FARS2: variants seen among roughly 807,000 people sequenced by gnomAD.
The protein encoded by FARS2 is phenylalanine--tRNA ligase, mitochondrial.
FARS2 carries 40 observed loss-of-function variants against 46.4 expected under a neutral mutation model. That is an observed-to-expected ratio of 0.86 (90% CI 0.67 to 1.12). The LOEUF is 1.12. FARS2 is among the 50% of genes most tolerant of loss of function. The probability of loss-of-function intolerance (pLI) is 0.00; values close to 1 mark genes in which losing one functional copy is unlikely to be tolerated. For synonymous variants in FARS2, 234 were observed against 214.9 expected (o/e 1.09, Z -0.78); for missense variants, 513 against 567.9 (o/e 0.90, Z 0.98).
chr6:5,547,661 A>G (rs1482375856), intron 5 of FARS2, among the ~76,000 whole-genome samples: 3 of 152,210 alleles, frequency 2.0e-5, no homozygotes, highest in African/African-American at 7.2e-5. Context: ...AAGCAGAAAT[A>G]TTATGAAGGA....
chr6:5,564,886 C>T (rs1470706680), intron 5 of FARS2, among the ~76,000 whole-genome samples: 1 of 152,156 alleles, frequency 6.6e-6, no homozygotes, highest in East Asian at 1.9e-4. Flanking sequence ...TGTGCGGGGA[C>T]TGTGCAGACA....
At chr6:5,719,987 A>G (rs1300280477) in intron 6 of FARS2, among the ~76,000 whole-genome samples, 2 of 152,166 alleles carry the variant, frequency 1.3e-5, no homozygotes, top group African/African-American at 2.4e-5. Flanking sequence ...AGGACACTTG[A>G]GAGTCACTTG....
intron 6 of FARS2, among the ~76,000 whole-genome samples, chr6:5,689,969 CT>C (rs1757569339): frequency 6.6e-6 from 1 of 152,168 alleles, no homozygotes. Flanking sequence ...TTCTTTGTCT[CT>C]TTTGATCTTG....
At chr6:5,259,329 G>T, upstream of FARS2, among the ~76,000 whole-genome samples, 1 of 150,832 alleles carries the variant, frequency 6.6e-6, no homozygotes. Context: ...TAGGTGTTTG[G>T]TTAATTCTTG....
intron 6 of FARS2, among the ~76,000 whole-genome samples, chr6:5,717,908 C>CTATATATATATATATATATATA (rs58922507): frequency 3.9e-5 from 3 of 77,724 alleles, no homozygotes; most frequent in African/African-American, 1.2e-4. Flanking sequence ...AAGGTATCAG[C>CTATATATATATATATATATATA]TATATATATA....
chr6:5,277,583 C>T (rs1482530591), intron 1 of FARS2, among the ~76,000 whole-genome samples: 3 of 152,104 alleles, frequency 2.0e-5, no homozygotes, highest in South Asian at 2.1e-4. Context: ...TGTAAAGAGA[C>T]GATATATCGT....
intron 4 of FARS2, among the ~76,000 whole-genome samples, chr6:5,432,327 A>T (rs9328303): frequency 0.4 from 23,050 of 56,978 alleles, 3,580 homozygotes; most frequent in Middle Eastern, 0.51. Flanking sequence ...AAAAAAAAAA[A>T]ATATATATAT....
rs143602132 is a variant in FARS2 at position 5,267,005 on chromosome 6, A to G, written c.-22+5345A>G. Reference sequence around the variant, plus strand: ...TGAAAATCTGTTCTCTGTTTTGAGAAATCTTGAAAGCTATGATATGTTGCA... The same window carrying G: ...TGAAAATCTGTTCTCTGTTTTGAGAGATCTTGAAAGCTATGATATGTTGCA... On this transcript the variant is annotated intron_variant, in intron 1 of 6. Coordinates refer to ENST00000274680, the MANE Select transcript of FARS2 (RefSeq NM_006567.5). 1.8e-3 allele frequency among the ~76,000 whole-genome samples: 269 copies of G among 152,262 alleles called. 2 individuals are homozygous for G. Among genetic ancestry groups the G allele is most frequent in the Middle Eastern group, 6.8e-3 (2 of 294 alleles).
chr6:5,346,119 G>A (rs1477452759), intron 1 of FARS2, among the ~76,000 whole-genome samples: 4 of 152,114 alleles, frequency 2.6e-5, no homozygotes, highest in Non-Finnish European at 4.4e-5. Context: ...TCCCTCGCAG[G>A]ACCCAACTTT....
At position 5,404,713 on chromosome 6, in the gene FARS2, A is replaced by G; in HGVS notation, c.772+12A>G. On this transcript the variant is annotated intron_variant, in intron 3 of 6. Coordinates refer to ENST00000274680, the MANE Select transcript of FARS2 (RefSeq NM_006567.5). ...TCTTTTTGGAGATGGTAAGTGCTCA[A>G]ACACAGGTTGACGATCTCTTATCTG... The G allele has an allele frequency of 1.3e-6, 2 of 1,557,388 alleles. No individual in the cohort carries two copies. The highest frequency in any genetic ancestry group is 1.2e-5 in the South Asian group (1 of 80,630).
intron 1 of FARS2, among the ~76,000 whole-genome samples, chr6:5,363,127 C>T (rs911732674): frequency 1.3e-5 from 2 of 151,836 alleles, no homozygotes; most frequent in Non-Finnish European, 1.5e-5. Context: ...GGGGTTTCAC[C>T]GTGTTAGCCA....
intron 4 of FARS2, among the ~76,000 whole-genome samples, chr6:5,533,701 T>C (rs1008311617): frequency 2.0e-5 from 3 of 152,058 alleles, no homozygotes; most frequent in African/African-American, 7.2e-5. Context: ...GAGAGTAGGT[T>C]GATGGAGAGG....
chr6:5,437,998 T>C (rs1054915927), intron 4 of FARS2, among the ~76,000 whole-genome samples: 1 of 152,072 alleles, frequency 6.6e-6, no homozygotes, highest in Non-Finnish European at 1.5e-5. Flanking sequence ...TATTTCCCCT[T>C]TAGTTTGAAG....
intron 6 of FARS2, among the ~76,000 whole-genome samples, chr6:5,659,026 C>G (rs772755269): frequency 6.6e-5 from 10 of 152,192 alleles, no homozygotes; most frequent in Non-Finnish European, 1.3e-4. Flanking sequence ...TGCCCAGTGC[C>G]CGCGTTGGAC....
intron 6 of FARS2, 30 bp from the exon 7 acceptor site, chr6:5,771,261 C>T (rs1763032918): frequency 6.2e-7 from 1 of 1,613,586 alleles, no homozygotes; most frequent in African/African-American, 1.3e-5. Flanking sequence ...GTTCATCCCG[C>T]ACTCACCTGT....
intron 5 of FARS2, among the ~76,000 whole-genome samples, chr6:5,555,468 G>C (rs1771605171): frequency 6.6e-6 from 1 of 152,016 alleles, no homozygotes; most frequent in Admixed American, 6.6e-5. Flanking sequence ...GTCCTTCCAT[G>C]TCTCTCCAGA....
rs201412926 is a variant in FARS2, at chr6:5,431,181, G to T, written c.904+9G>T. The stretch of plus-strand genomic sequence containing the variant: ...ACAACTGGTCAATTCAGGTAAAAAA[G>T]AATCCCACATTTTATTTACACGTGC... On this transcript the variant is annotated intron_variant, in intron 4 of 6. Coordinates refer to ENST00000274680, the MANE Select transcript of FARS2 (RefSeq NM_006567.5). The T allele has an allele frequency of 6.2e-7, 1 of 1,613,264 alleles. No homozygotes were observed. The highest frequency in any genetic ancestry group is 1.1e-5 in the South Asian group (1 of 91,016).
intron 3 of FARS2, among the ~76,000 whole-genome samples, chr6:5,422,219 A>G (rs948009551): frequency 2.6e-5 from 4 of 152,146 alleles, no homozygotes; most frequent in Non-Finnish European, 5.9e-5. Flanking sequence ...CGAGAACAGC[A>G]TGGGAAAACC....
At chr6:5,365,461 C>G (rs949145088) in intron 1 of FARS2, among the ~76,000 whole-genome samples, 35 of 148,740 alleles carry the variant, frequency 2.4e-4, no homozygotes, top group African/African-American at 8.4e-4. Context: ...TCCCCAGTAG[C>G]TGGGACTGCA....
Sources: gnomAD v4.1 joint callset for allele counts (sites outside exome capture counted in the v4.1 genomes callset) on GRCh38, gnomAD v4.1.1 for gene constraint, MANE v1.5 for transcripts, NCBI Gene and HGNC (gene_info 2026-07-23, HGNC 2026-07-21) for gene names.